Variants in DHX8 observed in about 807,000 individuals in gnomAD.
DHX8 encodes DEAH-box helicase 8.
In DHX8, 67 loss-of-function variants were observed where a neutral mutation model predicts 140.7. The ratio of observed to expected loss-of-function variants is 0.48; its 90% confidence interval spans 0.39 to 0.58. The LOEUF (loss-of-function observed/expected upper bound fraction) is 0.58, where lower values mean the gene tolerates loss of function less well. Ranked by LOEUF, DHX8 falls within the 20% of genes least tolerant of loss-of-function variation. The pLI is 0.00. For missense variants in DHX8, 887 were observed against 1,550.7 expected, an observed-to-expected ratio of 0.57 and a Z score of 7.19; for synonymous variants, 533 against 553.2, an observed-to-expected ratio of 0.96 and a Z score of 0.51.
At chr17:43,510,183 T>A (rs528872033) in intron 16 of DHX8, among the ~76,000 whole-genome samples, 1 of 152,086 alleles carries the variant, frequency 6.6e-6, no homozygotes, top group East Asian at 1.9e-4. Flanking sequence ...CGAGTAGCTG[T>A]GATTACAGGC....
At chr17:43,543,274 A>ACTCTCTCTCTCT (rs1250640458) in intron 3 of DHX8, among the ~76,000 whole-genome samples, 2 of 41,496 alleles carry the variant, frequency 4.8e-5, no homozygotes, top group African/African-American at 3.4e-4. Flanking sequence ...TAACACACAC[A>ACTCTCTCTCTCT]CACTCTCTCT....
At chr17:43,518,803 C>T (rs1436241403) in intron 18 of DHX8, 1 of 152,136 alleles carries the variant, frequency 6.6e-6, no homozygotes, top group Non-Finnish European at 1.5e-5. Context: ...CTTTTTACCT[C>T]TCTGAATTTG....
In DHX8 at chr17:43,496,268, G is replaced by A; in HGVS notation, c.1300G>A (p.Asp434Asn). The change falls in exon 9 of 23, where the codon GAT (aspartate) becomes AAT (asparagine). Residue 434 changes from aspartate to asparagine, a missense_variant and splice_region_variant. By Grantham distance (23) the Asp-to-Asn change is conservative. Transcript: ENST00000262415. ...GILPKVDDEE[D>N]EDLEIELVEE... is the part of the protein sequence containing the mutation. Reference sequence around the variant, plus strand: ...TCTCCCTAAGGTGGATGATGAAGAAGGTAACTAGTCAGTTGGATCGAGAAG... The same window carrying A: ...TCTCCCTAAGGTGGATGATGAAGAAAGTAACTAGTCAGTTGGATCGAGAAG... 1 of 1,610,212 alleles carries A rather than the reference G, an allele frequency of 6.2e-7. No individual in the cohort carries two copies. The highest frequency in any genetic ancestry group is 1.3e-5 in the African/African-American group (1 of 74,914).
At position 43,491,243 on chromosome 17, in the gene DHX8, C is replaced by G; in HGVS notation, c.386C>G (p.Ser129Cys). ...GTCCTTTGCCAACCGGACAACCCTT[C>G]TGTTCGGGTACTGATACCATTTTAA... ...FPVLCQPDNPSVRTMLDEDDV... is the reference protein window; with the variant it reads ...FPVLCQPDNPCVRTMLDEDDV... Residue 129 changes from serine to cysteine, a missense_variant, in exon 4 of 23, where the codon TCT (serine) becomes TGT (cysteine). Physicochemically the swap from Ser to Cys is moderately radical, Grantham distance 112. Around this residue, in one of 9 missense-constraint regions of DHX8, gnomAD observed 304 missense variants for 306.9 expected, o/e 0.99. Coordinates refer to ENST00000262415, the MANE Select transcript of DHX8 (RefSeq NM_004941.3). 1 of 1,530,446 alleles carries G rather than the reference C, an allele frequency of 6.5e-7. No individual in the cohort carries two copies. The highest frequency in any genetic ancestry group is 8.8e-7 in the Non-Finnish European group (1 of 1,138,094). 94.8% of individuals were successfully genotyped at this position (1,530,446 alleles called of 1,614,324 possible).
chr17:43,526,752 C>G, downstream of DHX8: 1 of 1,319,636 alleles, frequency 7.6e-7, no homozygotes, highest in African/African-American at 1.5e-5. Context: ...ACCACGATAG[C>G]TTGGCTTTAA....
At chr17:43,492,363 G>A in intron 5 of DHX8, 71 bp downstream of exon 5, 1 of 1,297,768 alleles carries the variant, frequency 7.7e-7, no homozygotes, top group Non-Finnish European at 1.1e-6. Flanking sequence ...GACCAGCCAA[G>A]CAAAATTTTG....
chr17:43,543,607 C>T (rs996317204), intron 3 of DHX8, among the ~76,000 whole-genome samples: 9 of 152,154 alleles, frequency 5.9e-5, no homozygotes, highest in Admixed American at 5.2e-4. Flanking sequence ...GAAACTGACA[C>T]CTCTGCATTC....
chr17:43,540,131 G>C (rs541186306), intron 3 of DHX8, among the ~76,000 whole-genome samples: 12 of 152,146 alleles, frequency 7.9e-5, no homozygotes, highest in Admixed American at 7.2e-4. Context: ...AAACTGGCCT[G>C]ATTCAAGAGT....
rs1419872274 is a variant in DHX8, at chr17:43,483,984, G to A, written c.-54G>A. 4.4e-6 allele frequency: 7 copies of A among 1,594,394 alleles called. No individual in the cohort carries two copies. The highest frequency in any genetic ancestry group is 1.1e-5 in the South Asian group (1 of 89,406). ...CGGAAGTGAAAGCTGGAACCCGGCC[G>A]GAGTAGCTCTGAGCGCCGGCTGTGA... On this transcript the variant is annotated 5_prime_UTR_variant, in exon 1 of 23. Coordinates refer to ENST00000262415, the MANE Select transcript of DHX8 (RefSeq NM_004941.3).
chr17:43,521,714 AT>A, intron 21 of DHX8, 149 bp downstream of exon 21: 1 of 772,136 alleles, frequency 1.3e-6, no homozygotes, highest in South Asian at 1.9e-5. Flanking sequence ...CATCTTTGTT[AT>A]ATTCCTTCTC....
chr17:43,487,882 CAA>C (rs1189553904), intron 1 of DHX8, among the ~76,000 whole-genome samples: 2 of 152,060 alleles, frequency 1.3e-5, no homozygotes, highest in East Asian at 3.9e-4. Flanking sequence ...GAGGCTGAGA[CAA>C]GAGAATTGCT....
In DHX8 at chr17:43,511,456, A is replaced by ATTTTTTTTTTTTTTTTTTTTTTTTTTTT. The variant is rs71160045; in HGVS notation, c.2503-1887_2503-1886insTTTTTTTTTTTTTTTTTTTTTTTTTTTT. Among the ~76,000 whole-genome samples, 3 of 56,790 alleles carry ATTTTTTTTTTTTTTTTTTTTTTTTTTTT rather than the reference A, an allele frequency of 5.3e-5. 1 individual carries two copies. The highest frequency in any genetic ancestry group is 7.7e-5 in the African/African-American group (1 of 12,940). The allele number at this position is 56,790 out of a possible 152,430, so 37.3% of individuals were successfully genotyped here. A position where few individuals can be genotyped will look rare whatever the true frequency, so the allele number is the denominator to read the frequency against. ...AGTGGCTTATGCCTGTGATCCCAGCATTTTTTTTTTTTTTTTTTTGAGACA... is the reference window on the plus strand; with the variant it reads ...AGTGGCTTATGCCTGTGATCCCAGCATTTTTTTTTTTTTTTTTTTTTTTTTTTTTTTTTTTTTTTTTTTTTTTGAGACA... On this transcript the variant is annotated intron_variant, in intron 16 of 22. Coordinates refer to ENST00000262415, the MANE Select transcript of DHX8 (RefSeq NM_004941.3).
chr17:43,513,614 C>A, intron 17 of DHX8, 112 bp downstream of exon 17: 1 of 1,142,742 alleles, frequency 8.8e-7, no homozygotes, highest in Non-Finnish European at 1.2e-6. Flanking sequence ...TTTTATGATA[C>A]TGGGTACTAT....
At chr17:43,484,617 C>CT (rs1413784608) in intron 1 of DHX8, among the ~76,000 whole-genome samples, 1 of 152,150 alleles carries the variant, frequency 6.6e-6, no homozygotes, top group Non-Finnish European at 1.5e-5. Context: ...AGCGTCTGTG[C>CT]TTTTAACTGT....
chr17:43,530,799 C>A (rs1218718470), downstream of DHX8, among the ~76,000 whole-genome samples: 1 of 152,090 alleles, frequency 6.6e-6, no homozygotes, highest in African/African-American at 2.4e-5. Flanking sequence ...TGAAGCCACC[C>A]GTTCAAGTTC....
At chr17:43,500,770 G>A (rs914490322) in intron 11 of DHX8, among the ~76,000 whole-genome samples, 3 of 151,910 alleles carry the variant, frequency 2.0e-5, no homozygotes, top group Non-Finnish European at 4.4e-5. Flanking sequence ...AAATAGCCAG[G>A]TGTGGTGGTG....
intron 1 of DHX8, among the ~76,000 whole-genome samples, chr17:43,484,773 C>T (rs1000626837): frequency 2.6e-5 from 4 of 151,998 alleles, no homozygotes; most frequent in Admixed American, 2.6e-4. Flanking sequence ...TCCCGAGTAG[C>T]TGGGACTACA....
In DHX8 at chr17:43,525,142, C is replaced by T. The variant is rs368255247; in HGVS notation, c.*1295C>T. ...GAACATCAGGCAGGTCTTGCCAGGC[C>T]AGGTTTCGGAACTTACGGAAAGCTG... On this transcript the variant is annotated 3_prime_UTR_variant, in exon 23 of 23. Transcript: ENST00000262415. 4.2e-4 allele frequency: 412 copies of T among 985,402 alleles called. 6 individuals are homozygous for T. The South Asian group carries it at 0.017, about 41-fold the overall frequency. The allele number at this position is 985,402 out of a possible 1,614,324, so 61.0% of individuals were successfully genotyped here.
chr17:43,493,296 G>A (rs1968647120), intron 6 of DHX8, 149 bp from the exon 7 acceptor site: 1 of 1,182,518 alleles, frequency 8.5e-7, no homozygotes, highest in African/African-American at 1.5e-5. Flanking sequence ...TGAGGAGAGT[G>A]TTAATACTAT....
Sources: gnomAD v4.1 joint callset for allele counts (sites outside exome capture counted in the v4.1 genomes callset) on GRCh38, gnomAD v4.1.1 for gene constraint, gnomAD v4.1.1 regional missense constraint, MANE v1.5 for transcripts, NCBI Gene and HGNC (gene_info 2026-07-23, HGNC 2026-07-21) for gene names.